The following ZFPM2 variants were observed in gnomAD, a reference collection of about 807,000 sequenced individuals.
ZFPM2 encodes the protein zinc finger protein, FOG family member 2.
Under a neutral mutation model 98.6 loss-of-function variants are expected in ZFPM2, and 20 were observed. The ratio of observed to expected loss-of-function variants is 0.20; its 90% CI spans 0.14 to 0.29. The LOEUF is 0.29. Among genes scored for constraint, ZFPM2 ranks in the 10% least tolerant of loss-of-function variants. The pLI is 1.00. For synonymous variants in ZFPM2, 518 were observed against 502.7 expected, an observed-to-expected ratio of 1.03 and a Z score of -0.41; for missense variants, 1,310 against 1,388.6, an observed-to-expected ratio of 0.94 and a Z score of 0.90.
At chr8:105,385,276 C>T (rs1217446341) in intron 1 of ZFPM2, among the ~76,000 whole-genome samples, 1 of 152,174 alleles carries the variant, frequency 6.6e-6, no homozygotes, top group South Asian at 2.1e-4. Flanking sequence ...AAGGATGCTG[C>T]TTATTATATA....
chr8:105,720,672 C>A (rs1412723602), intron 5 of ZFPM2, among the ~76,000 whole-genome samples: 1 of 151,900 alleles, frequency 6.6e-6, no homozygotes, highest in Non-Finnish European at 1.5e-5. Context: ...ACTCTGACTT[C>A]ATTTTCCAAT....
At chr8:105,606,434 G>A (rs12679854) in intron 4 of ZFPM2, among the ~76,000 whole-genome samples, 45,925 of 151,884 alleles carry the variant, frequency 0.3, 7,251 homozygotes, top group South Asian at 0.4. Context: ...CTTGGTCTTA[G>A]ATCTGAATTC....
intron 4 of ZFPM2, among the ~76,000 whole-genome samples, chr8:105,600,788 T>C (rs1406338761): frequency 6.6e-6 from 1 of 152,080 alleles, no homozygotes; most frequent in Non-Finnish European, 1.5e-5. Context: ...GAGAAACTTG[T>C]TTGCAAGTAA....
intron 3 of ZFPM2, among the ~76,000 whole-genome samples, chr8:105,471,323 A>G (rs1563674445): frequency 6.6e-6 from 1 of 152,208 alleles, no homozygotes; most frequent in Non-Finnish European, 1.5e-5. Flanking sequence ...TTTGTAGCTT[A>G]TGTTGCTCAC....
At chr8:105,723,558 C>G (rs1299380547) in intron 5 of ZFPM2, among the ~76,000 whole-genome samples, 3 of 151,798 alleles carry the variant, frequency 2.0e-5, no homozygotes, top group African/African-American at 7.3e-5. Context: ...CTTATACTGG[C>G]AAGATACGTC....
intron 5 of ZFPM2, among the ~76,000 whole-genome samples, chr8:105,639,211 C>T (rs188347578): frequency 1.3e-5 from 2 of 152,078 alleles, no homozygotes; most frequent in African/African-American, 2.4e-5. Context: ...TGCTATCTAC[C>T]GTTTGCAAAG....
chr8:105,608,588 T>TTTTG (rs1816244242), intron 4 of ZFPM2, among the ~76,000 whole-genome samples: 1 of 150,550 alleles, frequency 6.6e-6, no homozygotes, highest in African/African-American at 2.4e-5. Flanking sequence ...GAGTTTTTTT[T>TTTTG]TTTTTTTTTT....
intron 3 of ZFPM2, among the ~76,000 whole-genome samples, chr8:105,493,644 C>T (rs895038867): frequency 2.6e-5 from 4 of 152,056 alleles, no homozygotes; most frequent in South Asian, 2.1e-4. Flanking sequence ...GCACTCTGGC[C>T]CTGCTGTGGT....
intron 6 of ZFPM2, among the ~76,000 whole-genome samples, chr8:105,797,659 C>G (rs1380115446): frequency 6.6e-6 from 1 of 152,192 alleles, no homozygotes; most frequent in African/African-American, 2.4e-5. Context: ...GCTCCTCTCT[C>G]AGGCTCTCAT....
chr8:105,694,291 A>T (rs1041541863), intron 5 of ZFPM2, among the ~76,000 whole-genome samples: 18 of 151,960 alleles, frequency 1.2e-4, no homozygotes, highest in African/African-American at 3.9e-4. Context: ...CAGCCTCTCC[A>T]AATTTTTTTA....
At chr8:105,377,588 C>G (rs1416390805) in intron 1 of ZFPM2, among the ~76,000 whole-genome samples, 1 of 140,468 alleles carries the variant, frequency 7.1e-6, no homozygotes, top group East Asian at 2.0e-4. Context: ...ATAGCAAAAC[C>G]CCGTTTTTCT....
chr8:105,754,323 C>A (rs992648688), intron 5 of ZFPM2, among the ~76,000 whole-genome samples: 5 of 152,170 alleles, frequency 3.3e-5, no homozygotes, highest in Non-Finnish European at 5.9e-5. Flanking sequence ...AACTATAAGT[C>A]TATATTCAAC....
intron 5 of ZFPM2, among the ~76,000 whole-genome samples, chr8:105,656,694 C>G (rs1377137484): frequency 6.6e-6 from 1 of 152,154 alleles, no homozygotes; most frequent in African/African-American, 2.4e-5. Context: ...CTCAGCTGCT[C>G]TCAAAAGCAG....
In ZFPM2 at chr8:105,527,800, A is replaced by T. The variant is rs113582061; in HGVS notation, c.302-33563A>T. Among the ~76,000 whole-genome samples, 725 of 152,314 alleles carry T rather than the reference A, an allele frequency of 4.8e-3. 3 individuals are homozygous for T. Among genetic ancestry groups the T allele is most frequent in the Non-Finnish European group, 3.5e-3 (241 of 68,038 alleles). On this transcript the variant is annotated intron_variant, in intron 3 of 7. Transcript: ENST00000407775. Reference sequence around the variant, plus strand: ...GGGACACATTCTGTGTTTTAAAAAGATATAACCTGGATTTAATCATGAAGA... The same window carrying T: ...GGGACACATTCTGTGTTTTAAAAAGTTATAACCTGGATTTAATCATGAAGA...
At chr8:105,461,326 A>T (rs918650188) in intron 3 of ZFPM2, among the ~76,000 whole-genome samples, 2 of 152,198 alleles carry the variant, frequency 1.3e-5, no homozygotes, top group African/African-American at 4.8e-5. Context: ...AGATGGCATT[A>T]TATTTAACCG....
chr8:105,354,611 C>G (rs1449979082), intron 1 of ZFPM2, among the ~76,000 whole-genome samples: 1 of 152,190 alleles, frequency 6.6e-6, no homozygotes, highest in African/African-American at 2.4e-5. Flanking sequence ...GATAACTACT[C>G]TTCCATTCCT....
intron 5 of ZFPM2, among the ~76,000 whole-genome samples, chr8:105,654,045 T>C (rs1157590874): frequency 2.0e-5 from 3 of 151,968 alleles, no homozygotes; most frequent in Admixed American, 6.6e-5. Flanking sequence ...CTGCTTCTTT[T>C]CATTGTAAAA....
At chr8:105,552,903 G>A (rs1319020621) in intron 3 of ZFPM2, among the ~76,000 whole-genome samples, 7 of 149,572 alleles carry the variant, frequency 4.7e-5, no homozygotes, top group Non-Finnish European at 7.4e-5. Context: ...GATCCCCCCC[G>A]GGCTCAAGCA....
intron 5 of ZFPM2, among the ~76,000 whole-genome samples, chr8:105,639,076 G>A (rs781201404): frequency 1.1e-4 from 16 of 152,000 alleles, no homozygotes; most frequent in Non-Finnish European, 1.6e-4. Flanking sequence ...ATACTAAAAA[G>A]CATAATGCTG....
Sources: gnomAD v4.1 joint callset for allele counts (sites outside exome capture counted in the v4.1 genomes callset) on GRCh38, gnomAD v4.1.1 for gene constraint, MANE v1.5 for transcripts, NCBI Gene and HGNC (gene_info 2026-07-23, HGNC 2026-07-21) for gene names.